The following APOBEC3D variants were observed in gnomAD, a reference collection of about 807,000 sequenced individuals.
APOBEC3D encodes the protein apolipoprotein B mRNA editing enzyme catalytic subunit 3D.
In APOBEC3D, 37 loss-of-function variants were observed where a neutral mutation model predicts 45.6. The observed-to-expected ratio is 0.81, with a 90% CI of 0.62 to 1.07. The LOEUF (loss-of-function observed/expected upper bound fraction) is 1.07. Among genes scored for constraint, APOBEC3D ranks in the 50% least tolerant of loss-of-function variants. APOBEC3D has a pLI of 0.00. For synonymous variants in APOBEC3D, 175 were observed against 180.7 expected (o/e 0.97, Z 0.25); for missense variants, 496 against 495.3 (o/e 1.00, Z -0.01).
chr22:39,031,617 T>G, intron 5 of APOBEC3D, 77 bp from the exon 6 acceptor site: 4 of 1,572,240 alleles, frequency 2.5e-6, no homozygotes, highest in South Asian at 1.2e-5. Context: ...CCTGCCCTCT[T>G]CTCCCATCGC....
At chr22:39,022,761 T>G in intron 1 of APOBEC3D, 61 bp from the exon 2 acceptor site, 1 of 1,555,262 alleles carries the variant, frequency 6.4e-7, no homozygotes, top group South Asian at 1.2e-5. Flanking sequence ...TCAGTGGACA[T>G]GAGCCCCGAG....
At chr22:39,030,106 G>A (rs1160595642) in intron 5 of APOBEC3D, among the ~76,000 whole-genome samples, 72 of 150,552 alleles carry the variant, frequency 4.8e-4, no homozygotes, top group African/African-American at 1.7e-3. Flanking sequence ...TGTGGGAAGC[G>A]GTGGGTCTGG....
chr22:39,025,005 G>A (rs1209095849), intron 2 of APOBEC3D, 65 bp from the exon 3 acceptor site: 13 of 336,560 alleles, frequency 3.9e-5, no homozygotes, highest in African/African-American at 2.7e-4. Context: ...TCCTCCCCCT[G>A]CCCCACCCCG....
chr22:39,029,523 G>A lies in APOBEC3D; in HGVS notation c.762+4G>A. 1 of 1,614,120 alleles carries A rather than the reference G, an allele frequency of 6.2e-7. No homozygotes were observed. Among genetic ancestry groups the A allele is most frequent in the Non-Finnish European group, 8.5e-7 (1 of 1,180,018 alleles). ...GAGGGGCGTCTTCCGAAACCAGGTA[G>A]CACCAAAGTCCTATTTACACCCTAA... On this transcript the variant is annotated splice_donor_region_variant and intron_variant, in intron 5 of 6. Transcript: ENST00000216099.
At chr22:39,023,104 T>A (rs74411617) in intron 2 of APOBEC3D, 90 bp downstream of exon 2, 1 of 645,032 alleles carries the variant, frequency 1.6e-6, no homozygotes, top group Non-Finnish European at 2.0e-6. Context: ...TTATTTATTT[T>A]TTCTATTTAT....
At chr22:39,021,684 A>G (rs1342465408) in intron 1 of APOBEC3D, 148 bp downstream of exon 1, 2 of 1,142,542 alleles carry the variant, frequency 1.8e-6, no homozygotes, top group Non-Finnish European at 2.6e-6. Flanking sequence ...TCCCAGCCAG[A>G]CTCCTTGCCC....
intron 6 of APOBEC3D, 33 bp downstream of exon 6, chr22:39,032,006 G>C: frequency 6.2e-7 from 1 of 1,612,106 alleles, no homozygotes; most frequent in Non-Finnish European, 8.5e-7. Context: ...GAGTGGGTGC[G>C]GGAGGGACAG....
rs181638605 is a variant in APOBEC3D at position 39,033,198 on chromosome 22, C to G, written c.*882C>G. On this transcript the variant is annotated 3_prime_UTR_variant, in exon 7 of 7. Transcript: ENST00000216099. ...CGCCACAGAACTCCAGTTTGAGCAA[C>G]AGATCAAGACCCTGCCTGAAAATAA... 4 of 925,528 alleles carry G rather than the reference C, an allele frequency of 4.3e-6. No individual in the cohort carries two copies. The African/African-American group carries it at 7.1e-5, about 17-fold the overall frequency. The allele number at this position is 925,528 out of a possible 1,614,324, so 57.3% of individuals were successfully genotyped here. A position where few individuals can be genotyped will look rare whatever the true frequency, so the allele number is the denominator to read the frequency against.
At chr22:39,023,991 G>A (rs759062089) in intron 2 of APOBEC3D, among the ~76,000 whole-genome samples, 2 of 152,042 alleles carry the variant, frequency 1.3e-5, no homozygotes, top group African/African-American at 2.4e-5. Flanking sequence ...CTGTATGCTG[G>A]GCAGTCCTGG....
chr22:39,030,356 T>A (rs1324112349), intron 5 of APOBEC3D, among the ~76,000 whole-genome samples: 374 of 148,266 alleles, frequency 2.5e-3, no homozygotes, highest in African/African-American at 9.1e-3. Context: ...GAGCCGTCTG[T>A]GTGCTGGGCA....
chr22:39,028,614 C>G (rs1004236948), intron 4 of APOBEC3D, among the ~76,000 whole-genome samples: 1 of 152,164 alleles, frequency 6.6e-6, no homozygotes, highest in Non-Finnish European at 1.5e-5. Context: ...GCCTGGCCAA[C>G]ATGGTGAAAC....
rs5757426 is a variant in APOBEC3D, at chr22:39,025,625, G to A, written c.559G>A (p.Asp187Asn). The change falls in exon 4 of 7, where the codon GAT becomes AAT. Residue 187 changes from aspartate to asparagine, a missense_variant. Asp to Asn is a conservative substitution (Grantham distance 23). Transcript: ENST00000216099. ...GCCATTCATGCCTTGGTACAAATTCGATGACAATTATGCATCCCTGCACCG... is the reference window on the plus strand; with the variant it reads ...GCCATTCATGCCTTGGTACAAATTCAATGACAATTATGCATCCCTGCACCG... Reference protein sequence around the residue: ...GQPFMPWYKFDDNYASLHRTL... With the variant: ...GQPFMPWYKFNDNYASLHRTL... 7 of 1,614,088 alleles carry A rather than the reference G, an allele frequency of 4.3e-6. No individual in the cohort carries two copies. The highest frequency in any genetic ancestry group is 5.9e-6 in the Non-Finnish European group (7 of 1,179,998).
At chr22:39,029,799 C>T (rs1489625502) in intron 5 of APOBEC3D, among the ~76,000 whole-genome samples, 4 of 152,006 alleles carry the variant, frequency 2.6e-5, no homozygotes, top group Admixed American at 2.0e-4. Context: ...TTAGTAGAGA[C>T]GGGGTTTCAC....
chr22:39,023,132 T>TA lies in APOBEC3D; in HGVS notation c.210+118_210+119insA. 4 of 676,738 alleles carry TA rather than the reference T, an allele frequency of 5.9e-6. 1 individual carries two copies. In the South Asian group the frequency reaches 1.6e-4, roughly 27 times the overall value. The allele number at this position is 676,738 out of a possible 1,614,324, so 41.9% of individuals were successfully genotyped here. On this transcript the variant is annotated intron_variant, in intron 2 of 6. Transcript: ENST00000216099. ...CTATTTATTTATTTATTTATTTATT[T>TA]TGAGACAGAGTCTCCATCTGTCGCC...
At chr22:39,030,946 T>C (rs1361992423) in intron 5 of APOBEC3D, among the ~76,000 whole-genome samples, 2 of 152,094 alleles carry the variant, frequency 1.3e-5, no homozygotes, top group Non-Finnish European at 2.9e-5. Context: ...GGCGGGCGGA[T>C]CATAAGGTCA....
intron 4 of APOBEC3D, among the ~76,000 whole-genome samples, chr22:39,027,602 C>T (rs529868929): frequency 6.6e-6 from 1 of 152,004 alleles, no homozygotes; most frequent in Non-Finnish European, 1.5e-5. Flanking sequence ...AAATCAGGGC[C>T]AGGACAAGCC....
At chr22:39,026,147 G>A (rs572370203) in intron 4 of APOBEC3D, among the ~76,000 whole-genome samples, 1 of 152,306 alleles carries the variant, frequency 6.6e-6, no homozygotes, top group South Asian at 2.1e-4. Flanking sequence ...CGGGCCGGGT[G>A]CCCACAGGGC....
chr22:39,025,734 ACTCCCCTGG>A, intron 4 of APOBEC3D, 63 bp downstream of exon 4: 1 of 1,608,598 alleles, frequency 6.2e-7, no homozygotes, highest in Non-Finnish European at 8.5e-7. Context: ...CCTCCTGAGG[ACTCCCCTGG>A]CTGGGCCCTC....
At chr22:39,026,670 T>C (rs1431361417) in intron 4 of APOBEC3D, among the ~76,000 whole-genome samples, 2 of 151,904 alleles carry the variant, frequency 1.3e-5, no homozygotes, top group African/African-American at 4.8e-5. Context: ...GCCTGTCCCT[T>C]CTCAAATCCC....
Sources: allele counts gnomAD v4.1 joint callset (sites outside exome capture counted in the v4.1 genomes callset), GRCh38; gene constraint gnomAD v4.1.1; transcripts MANE v1.5; gene names NCBI Gene and HGNC (gene_info 2026-07-23, HGNC 2026-07-21).